AASS: variants seen among roughly 807,000 people sequenced by gnomAD.
AASS encodes alpha-aminoadipic semialdehyde synthase, mitochondrial.
In AASS, 86 loss-of-function variants were observed where a neutral mutation model predicts 105.4. That is an observed-to-expected ratio of 0.82 (90% CI 0.69 to 0.98). The LOEUF is 0.98. Ranked by LOEUF, AASS falls within the 50% of genes least tolerant of loss-of-function variation. The pLI is 0.00. For missense variants in AASS, 1,048 were observed against 1,143.2 expected, an observed-to-expected ratio of 0.92 and a Z score of 1.20; for synonymous variants, 381 against 394.8, an observed-to-expected ratio of 0.96 and a Z score of 0.41.
At chr7:122,121,090 G>T (rs1334229980) in intron 4 of AASS, among the ~76,000 whole-genome samples, 1 of 151,332 alleles carries the variant, frequency 6.6e-6, no homozygotes, top group Admixed American at 6.6e-5. Context: ...CCTTTTTCTT[G>T]TATTTTTGCT....
intron 1 of AASS, among the ~76,000 whole-genome samples, chr7:122,142,269 G>C (rs1796436813): frequency 6.6e-6 from 1 of 152,148 alleles, no homozygotes; most frequent in African/African-American, 2.4e-5. Context: ...GAGCATTGCT[G>C]TGTGTCATAA....
Position 122,079,608 on chromosome 7 carries a change from C to T in AASS, c.2385G>A (p.Glu795=), listed in dbSNP as rs1793213862. 6.2e-7 allele frequency: 1 copy of T among 1,612,524 alleles called. No individual in the cohort carries two copies. Among genetic ancestry groups the T allele is most frequent in the Non-Finnish European group, 8.5e-7 (1 of 1,178,590 alleles). ...TGGTGGGTGCCTACCATTCAGCAGCCTCCAACTGGGTATTGTCTCCTCCTA... is the reference window on the plus strand; with the variant it reads ...TGGTGGGTGCCTACCATTCAGCAGCTTCCAACTGGGTATTGTCTCCTCCTA... The part of the protein sequence containing the change: ...KKLGGDNTQL[E]AAEWLGLLGD... The change falls in exon 21 of 24, where the codon GAG becomes GAA. Residue 795 remains glutamate, a synonymous_variant. Coordinates refer to ENST00000417368, the MANE Select transcript of AASS (RefSeq NM_005763.4).
chr7:122,128,822 T>C (rs1246791336), intron 3 of AASS, among the ~76,000 whole-genome samples: 1 of 152,160 alleles, frequency 6.6e-6, no homozygotes, highest in Non-Finnish European at 1.5e-5. Flanking sequence ...CTCATGCCTG[T>C]AATCCCAGCA....
In AASS at chr7:122,126,440, T is replaced by C. The variant is rs147016337; in HGVS notation, c.407A>G (p.Tyr136Cys). 1.2e-6 allele frequency: 2 copies of C among 1,613,884 alleles called. No homozygotes were observed. The highest frequency in any genetic ancestry group is 1.7e-6 in the Non-Finnish European group (2 of 1,179,844). The change falls in exon 4 of 24, where the codon TAT becomes TGT. Residue 136 changes from tyrosine (Y) to cysteine (C), a missense_variant. Transcript: ENST00000417368. ...ILKQEIRLID[Y>C]EKMVDHRGVR... The stretch of plus-strand genomic sequence containing the variant: ...TCCTCTATGATCCACCATTTTCTCA[T>C]AATCAATAAGGCGAATTTCCTGAAA...
intron 11 of AASS, among the ~76,000 whole-genome samples, chr7:122,106,907 A>T (rs1294435008): frequency 6.6e-6 from 1 of 152,066 alleles, no homozygotes. Context: ...GGATCTAATT[A>T]AACTAAGGGG....
chr7:122,132,088 GT>G (rs1795943295), intron 2 of AASS, among the ~76,000 whole-genome samples: 1 of 152,150 alleles, frequency 6.6e-6, no homozygotes, highest in Non-Finnish European at 1.5e-5. Context: ...TAATAAAACA[GT>G]TCACAACTCA....
At chr7:122,102,042 A>G (rs1326163154) in intron 11 of AASS, among the ~76,000 whole-genome samples, 1 of 151,896 alleles carries the variant, frequency 6.6e-6, no homozygotes, top group South Asian at 2.1e-4. Flanking sequence ...AAGGGCCTCT[A>G]CTCCATTCCA....
intron 15 of AASS, among the ~76,000 whole-genome samples, chr7:122,096,266 C>T (rs931827197): frequency 1.5e-4 from 23 of 152,048 alleles, no homozygotes; most frequent in African/African-American, 5.6e-4. Context: ...TTTTGTGAAA[C>T]ATATTCTTTA....
At chr7:122,124,867 G>C (rs896206588) in intron 4 of AASS, among the ~76,000 whole-genome samples, 1 of 152,150 alleles carries the variant, frequency 6.6e-6, no homozygotes, top group African/African-American at 2.4e-5. Context: ...GTTTAATAGA[G>C]CTGATTTGGG....
At chr7:122,109,674 G>A (rs1041094213) in intron 11 of AASS, among the ~76,000 whole-genome samples, 2 of 151,004 alleles carry the variant, frequency 1.3e-5, no homozygotes, top group African/African-American at 4.9e-5. Flanking sequence ...CACTTAAATG[G>A]AAGACCTAAA....
rs1449180976 is a variant in AASS at position 122,101,410 on chromosome 7, G to A, written c.1367C>T (p.Pro456Leu). Residue 456 changes from proline to leucine, a missense_variant, in exon 13 of 24, where the codon CCT (proline) becomes CTT (leucine). Physicochemically the swap from Pro to Leu is moderately conservative, Grantham distance 98 (BLOSUM62 -3). Coordinates refer to ENST00000417368, the MANE Select transcript of AASS (RefSeq NM_005763.4). ...TGTCTGGATATATTTATATTTATCA[G>A]GTAATGTACCGTTGGATGTAATCAC... Reference protein sequence around the residue: ...DAVITSNGTLPDKYKYIQTLR... With the variant: ...DAVITSNGTLLDKYKYIQTLR... 3.1e-6 allele frequency: 5 copies of A among 1,610,436 alleles called. No individual in the cohort carries two copies. Among genetic ancestry groups the A allele is most frequent in the Non-Finnish European group, 4.2e-6 (5 of 1,177,292 alleles).
At chr7:122,107,415 C>T (rs1008784334) in intron 11 of AASS, among the ~76,000 whole-genome samples, 1 of 152,076 alleles carries the variant, frequency 6.6e-6, no homozygotes, top group African/African-American at 2.4e-5. Flanking sequence ...ATAAAATGTT[C>T]TATCATAAGG....
rs760456407 is a variant in AASS at position 122,098,541 on chromosome 7, T to C, written c.1564A>G (p.Lys522Glu). The part of the protein sequence containing the change: ...DMKNQIEQLG[K>E]KYNINPVSMD... The stretch of plus-strand genomic sequence containing the variant: ...CTAACAGGATTAATATTATATTTCT[T>C]GCCTAACTGTTCAATTTGATTCTTC... Residue 522 changes from lysine to glutamate, a missense_variant, in exon 15 of 24, where the codon AAG (lysine) becomes GAG (glutamate). Transcript: ENST00000417368. The C allele has an allele frequency of 6.2e-7, 1 of 1,610,794 alleles. No homozygotes were observed. Among genetic ancestry groups the C allele is most frequent in the Non-Finnish European group, 8.5e-7 (1 of 1,177,798 alleles).
intron 18 of AASS, among the ~76,000 whole-genome samples, chr7:122,090,820 T>C (rs1383863456): frequency 1.3e-5 from 2 of 152,086 alleles, no homozygotes; most frequent in Non-Finnish European, 2.9e-5. Flanking sequence ...AAACCTGATT[T>C]TTCCCCTTAT....
chr7:122,100,865 A>G (rs1470499056), intron 13 of AASS, among the ~76,000 whole-genome samples: 1 of 151,828 alleles, frequency 6.6e-6, no homozygotes, highest in African/African-American at 2.4e-5. Flanking sequence ...CCTAATAAGA[A>G]TCCCTGGAGA....
chr7:122,091,203 C>G (rs1395345149), intron 18 of AASS, among the ~76,000 whole-genome samples: 1 of 152,076 alleles, frequency 6.6e-6, no homozygotes, highest in Non-Finnish European at 1.5e-5. Context: ...TAATATTAAA[C>G]TTGGAGAGTT....
At chr7:122,137,966 G>A (rs1417705720) in intron 1 of AASS, among the ~76,000 whole-genome samples, 2 of 151,852 alleles carry the variant, frequency 1.3e-5, no homozygotes, top group Non-Finnish European at 2.9e-5. Flanking sequence ...CAGAGAGGGG[G>A]AAAAAAAGAG....
chr7:122,113,024 T>C (rs761501789), intron 11 of AASS, 94 bp downstream of exon 11: 7 of 998,628 alleles, frequency 7.0e-6, no homozygotes, highest in Non-Finnish European at 9.4e-6. Context: ...TTACAGCAGA[T>C]TTCTTAGATA....
chr7:122,110,642 A>AAT (rs1794890448), intron 11 of AASS, among the ~76,000 whole-genome samples: 1 of 152,028 alleles, frequency 6.6e-6, no homozygotes, highest in Admixed American at 6.6e-5. Context: ...ACATAAACTT[A>AAT]ATATCCAAAC....
Sources: gnomAD v4.1 joint callset for allele counts (sites outside exome capture counted in the v4.1 genomes callset) on GRCh38, gnomAD v4.1.1 for gene constraint, MANE v1.5 for transcripts, NCBI Gene and HGNC (gene_info 2026-07-23, HGNC 2026-07-21) for gene names.